HS6ST3: variants seen among roughly 807,000 people sequenced by gnomAD.
The protein encoded by HS6ST3 is heparan-sulfate 6-O-sulfotransferase 3.
Under a neutral mutation model 36.7 loss-of-function variants are expected in HS6ST3, and 12 were observed. That is an observed-to-expected ratio of 0.33 (90% CI 0.21 to 0.53). The LOEUF is 0.53. Among genes scored for constraint, HS6ST3 ranks in the 20% least tolerant of loss-of-function variants. HS6ST3 has a pLI of 0.95. For synonymous variants in HS6ST3, 240 were observed against 257.5 expected (o/e 0.93, Z 0.65); for missense variants, 584 against 640.9 (o/e 0.91, Z 0.96).
At chr13:96,485,935 A>G (rs2138901542) in intron 1 of HS6ST3, among the ~76,000 whole-genome samples, 1 of 152,084 alleles carries the variant, frequency 6.6e-6, no homozygotes, top group South Asian at 2.1e-4. Context: ...ACATATGTAT[A>G]CATGTGCCAT....
chr13:96,765,131 T>C (rs905407925), intron 1 of HS6ST3, among the ~76,000 whole-genome samples: 2 of 143,220 alleles, frequency 1.4e-5, no homozygotes, highest in African/African-American at 2.7e-5. Flanking sequence ...CGGACTGCAG[T>C]GGCGCAATCT....
At chr13:96,318,205 C>A (rs759409469) in intron 1 of HS6ST3, among the ~76,000 whole-genome samples, 19 of 152,142 alleles carry the variant, frequency 1.2e-4, no homozygotes, top group Admixed American at 6.5e-4. Context: ...AATCTTTAGT[C>A]CATCTTCAGT....
intron 1 of HS6ST3, among the ~76,000 whole-genome samples, chr13:96,825,268 T>C (rs1408435120): frequency 6.6e-6 from 1 of 152,174 alleles, no homozygotes; most frequent in Non-Finnish European, 1.5e-5. Flanking sequence ...CTCATAAACA[T>C]GAGTTTGTTT....
At chr13:96,741,333 A>G (rs1216139689) in intron 1 of HS6ST3, among the ~76,000 whole-genome samples, 1 of 152,178 alleles carries the variant, frequency 6.6e-6, no homozygotes, top group Non-Finnish European at 1.5e-5. Context: ...TCTTGGTACA[A>G]CTTCATAGGA....
chr13:96,698,364 A>C (rs1875190042), intron 1 of HS6ST3, among the ~76,000 whole-genome samples: 2 of 152,152 alleles, frequency 1.3e-5, no homozygotes, highest in South Asian at 4.1e-4. Context: ...GTCCCTACAA[A>C]GGACATGAAC....
intron 1 of HS6ST3, among the ~76,000 whole-genome samples, chr13:96,129,880 A>C (rs2053967989): frequency 6.6e-6 from 1 of 152,188 alleles, no homozygotes; most frequent in South Asian, 2.1e-4. Flanking sequence ...CCAACTCTGT[A>C]GATTGCTTGA....
At chr13:96,668,387 T>G (rs1566425396) in intron 1 of HS6ST3, among the ~76,000 whole-genome samples, 1 of 152,160 alleles carries the variant, frequency 6.6e-6, no homozygotes, top group Non-Finnish European at 1.5e-5. Context: ...GACACACAAC[T>G]AATGCAACTA....
At chr13:96,379,517 C>G (rs1347928440) in intron 1 of HS6ST3, among the ~76,000 whole-genome samples, 1 of 152,204 alleles carries the variant, frequency 6.6e-6, no homozygotes, top group African/African-American at 2.4e-5. Flanking sequence ...AAATAAATTT[C>G]TATTGTTTAT....
intron 1 of HS6ST3, among the ~76,000 whole-genome samples, chr13:96,369,050 A>G (rs560704840): frequency 7.1e-6 from 1 of 141,384 alleles, no homozygotes; most frequent in East Asian, 2.5e-4. Context: ...GTAAGAGAAA[A>G]ATGGCATCTC....
At chr13:96,179,634 T>C (rs1410697621) in intron 1 of HS6ST3, among the ~76,000 whole-genome samples, 1 of 152,196 alleles carries the variant, frequency 6.6e-6, no homozygotes, top group Admixed American at 6.5e-5. Flanking sequence ...TGCGGGAGAC[T>C]ATTACTAAGT....
chr13:96,560,284 A>G (rs1004633935), intron 1 of HS6ST3, among the ~76,000 whole-genome samples: 11 of 152,216 alleles, frequency 7.2e-5, no homozygotes, highest in African/African-American at 2.7e-4. Context: ...TGAGAATTAA[A>G]TGATAGTTTG....
At chr13:96,703,204 TC>T (rs1875332988) in intron 1 of HS6ST3, among the ~76,000 whole-genome samples, 1 of 152,238 alleles carries the variant, frequency 6.6e-6, no homozygotes, top group Admixed American at 6.5e-5. Context: ...ACCCTGTGTA[TC>T]TATGAGGTAG....
chr13:96,139,579 G>A (rs1392101496), intron 1 of HS6ST3, among the ~76,000 whole-genome samples: 1 of 132,806 alleles, frequency 7.5e-6, no homozygotes, highest in African/African-American at 3.0e-5. Context: ...CCATGTATAA[G>A]TTAATTTGGT....
chr13:96,675,079 CAG>C (rs2056694759), intron 1 of HS6ST3, among the ~76,000 whole-genome samples: 2 of 152,264 alleles, frequency 1.3e-5, no homozygotes, highest in Non-Finnish European at 2.9e-5. Flanking sequence ...ACCTTTATTA[CAG>C]GAGTCCAGTC....
intron 1 of HS6ST3, among the ~76,000 whole-genome samples, chr13:96,713,489 C>A (rs1230288406): frequency 6.6e-6 from 1 of 152,152 alleles, no homozygotes; most frequent in Non-Finnish European, 1.5e-5. Flanking sequence ...ATTTTTAACT[C>A]TTCTCCAAGA....
intron 1 of HS6ST3, among the ~76,000 whole-genome samples, chr13:96,603,230 A>AT (rs2056427856): frequency 6.6e-6 from 1 of 151,942 alleles, no homozygotes; most frequent in Non-Finnish European, 1.5e-5. Context: ...TGTCCCACTC[A>AT]TTTTTTCTAC....
chr13:96,657,980 A>G (rs2056631493), intron 1 of HS6ST3, among the ~76,000 whole-genome samples: 1 of 152,154 alleles, frequency 6.6e-6, no homozygotes, highest in Non-Finnish European at 1.5e-5. Flanking sequence ...TAAGTGTCAC[A>G]TCAAAATCTA....
At chr13:96,786,150 G>A (rs377302641) in intron 1 of HS6ST3, among the ~76,000 whole-genome samples, 4 of 151,992 alleles carry the variant, frequency 2.6e-5, no homozygotes, top group African/African-American at 9.6e-5. Flanking sequence ...TTCTTACTCC[G>A]TTCCCTTCCC....
intron 1 of HS6ST3, among the ~76,000 whole-genome samples, chr13:96,511,321 C>G (rs1403478323): frequency 6.6e-6 from 1 of 152,012 alleles, no homozygotes; most frequent in Admixed American, 6.6e-5. Flanking sequence ...TTACTAATAG[C>G]TACTTTATGC....
Sources: allele counts gnomAD v4.1 joint callset (sites outside exome capture counted in the v4.1 genomes callset), GRCh38; gene constraint gnomAD v4.1.1; transcripts MANE v1.5; gene names NCBI Gene and HGNC (gene_info 2026-07-23, HGNC 2026-07-21).